The following S100PBP variants were observed in gnomAD, a reference collection of about 807,000 sequenced individuals.
S100PBP encodes S100P-binding protein.
S100PBP carries 15 observed loss-of-function variants against 39.9 expected under a neutral mutation model. The observed-to-expected ratio is 0.38, with a 90% CI of 0.25 to 0.58. The LOEUF is 0.58. Among genes scored for constraint, S100PBP ranks in the 20% least tolerant of loss-of-function variants. S100PBP has a pLI of 0.70. For synonymous variants in S100PBP, 178 were observed against 180.3 expected (o/e 0.99, Z 0.10); for missense variants, 504 against 487.3 (o/e 1.03, Z -0.32).
upstream of S100PBP, chr1:32,817,039 G>A (rs1251679758): frequency 1.3e-5 from 13 of 996,422 alleles, no homozygotes; most frequent in Admixed American, 1.7e-4. Flanking sequence ...TTGACTGACC[G>A]ACCAGCAGTG....
chr1:32,833,808 A>G (rs545115685), intron 5 of S100PBP, among the ~76,000 whole-genome samples: 1 of 152,218 alleles, frequency 6.6e-6, no homozygotes, highest in African/African-American at 2.4e-5. Flanking sequence ...GAATATATAC[A>G]GGGAAATTAC....
intron 4 of S100PBP, among the ~76,000 whole-genome samples, chr1:32,828,614 C>CT (rs35307605): frequency 6.6e-6 from 1 of 151,976 alleles, no homozygotes; most frequent in Non-Finnish European, 1.5e-5. Flanking sequence ...CTAGAAAAAG[C>CT]TTTTTTTAAA....
chr1:32,838,333 C>CAAAAAAAAAA (rs770251816), intron 5 of S100PBP, among the ~76,000 whole-genome samples: 8 of 67,630 alleles, frequency 1.2e-4, no homozygotes, highest in East Asian at 4.1e-4. Flanking sequence ...GACTCTGTCT[C>CAAAAAAAAAA]AAAAAAAAAA....
Position 32,855,858 on chromosome 1 carries a change from T to C in S100PBP, c.1113-66T>C, listed in dbSNP as rs1410686986. On this transcript the variant is annotated intron_variant, in intron 6 of 6. Coordinates refer to ENST00000373475, the MANE Select transcript of S100PBP (RefSeq NM_022753.4). ...TCTTAAAATTGTTGTGCTGGCCTTT[T>C]TTTGTGTACAAATAGCCATTCTAGT... is the stretch of plus-strand genomic sequence containing the variant. 5 of 963,146 alleles carry C rather than the reference T, an allele frequency of 5.2e-6. No homozygotes were observed. In the Admixed American group the frequency reaches 8.9e-5, roughly 17 times the overall value. The allele number at this position is 963,146 out of a possible 1,614,324, so 59.7% of individuals were successfully genotyped here. A position where few individuals can be genotyped will look rare whatever the true frequency, so the allele number is the denominator to read the frequency against.
intron 1 of S100PBP, among the ~76,000 whole-genome samples, chr1:32,822,149 C>T (rs1019918039): frequency 2.0e-5 from 3 of 152,032 alleles, no homozygotes; most frequent in African/African-American, 7.2e-5. Flanking sequence ...TGAAATGATA[C>T]AATGCCTGGG....
At chr1:32,822,705 T>TA (rs1639139083) in intron 1 of S100PBP, among the ~76,000 whole-genome samples, 1 of 151,990 alleles carries the variant, frequency 6.6e-6, no homozygotes, top group Non-Finnish European at 1.5e-5. Context: ...TCCTCCTCTC[T>TA]ATATATACCA....
At chr1:32,818,940 T>TCAGA (rs1638906523) in intron 1 of S100PBP, 1 of 152,214 alleles carries the variant, frequency 6.6e-6, no homozygotes, top group Non-Finnish European at 1.5e-5. Flanking sequence ...GCTGTACCTG[T>TCAGA]CAGACCCTGC....
rs185155843 is a variant in S100PBP at position 32,826,096 on chromosome 1, A to G, written c.-2-2A>G. The G allele has an allele frequency of 2.6e-5, 41 of 1,584,212 alleles. No homozygotes were observed. The African/African-American group carries it at 5.3e-4, about 20-fold the overall frequency. ...CAGTGAAATTGTCTCTTATTTCTCC[A>G]GAAATGATGTGCTCACGGGTGCCCT... On this transcript the variant is annotated splice_acceptor_variant, in intron 2 of 6. Coordinates refer to ENST00000373475, the MANE Select transcript of S100PBP (RefSeq NM_022753.4). LOFTEE classifies it low-confidence loss of function (5UTR_SPLICE).
chr1:32,854,772 TCTC>T (rs1557518479), intron 6 of S100PBP, among the ~76,000 whole-genome samples: 2 of 152,170 alleles, frequency 1.3e-5, no homozygotes, highest in African/African-American at 4.8e-5. Flanking sequence ...ACCGACCTCA[TCTC>T]CTAATACTCT....
At position 32,830,083 on chromosome 1, in the gene S100PBP, G is replaced by C. The variant is rs767599889; in HGVS notation, c.1024+16G>C. On this transcript the variant is annotated intron_variant, in intron 5 of 6. Coordinates refer to ENST00000373475, the MANE Select transcript of S100PBP (RefSeq NM_022753.4). Reference sequence around the variant, plus strand: ...ACTAACCAAGGTAACATGGTACCCAGAGAAAGGCATATAAAACATGTGATG... The same window carrying C: ...ACTAACCAAGGTAACATGGTACCCACAGAAAGGCATATAAAACATGTGATG... 2.0e-5 allele frequency: 29 copies of C among 1,466,488 alleles called. No homozygotes were observed. The highest frequency in any genetic ancestry group is 2.8e-5 in the Non-Finnish European group (29 of 1,047,194). 90.8% of individuals were successfully genotyped at this position (1,466,488 alleles called of 1,614,324 possible).
chr1:32,856,263 G>A lies in S100PBP; in HGVS notation c.*225G>A, dbSNP rs955274260. 1.1e-4 allele frequency: 34 copies of A among 305,500 alleles called. No homozygotes were observed. The highest frequency in any genetic ancestry group is 1.1e-3 in the Admixed American group (22 of 20,326). The allele number at this position is 305,500 out of a possible 1,614,324, so 18.9% of individuals were successfully genotyped here. ...TGTGTGTGTCTGTGTTTAAGCAAGC[G>A]TTCGGTTGGTATAGTTTTTTTTTGT... On this transcript the variant is annotated 3_prime_UTR_variant, in exon 7 of 7. Transcript: ENST00000373475.
intron 5 of S100PBP, among the ~76,000 whole-genome samples, chr1:32,848,085 G>A (rs1221460412): frequency 6.6e-6 from 1 of 152,102 alleles, no homozygotes; most frequent in Non-Finnish European, 1.5e-5. Context: ...AAGGTGGGTG[G>A]ATCATGAAGT....
intron 5 of S100PBP, chr1:32,837,150 T>TC (rs1192558806): frequency 1.6e-5 from 1 of 62,764 alleles, no homozygotes; most frequent in East Asian, 5.3e-4. Context: ...AAAACAAGAC[T>TC]CCATCTCAAA....
intron 4 of S100PBP, 78 bp downstream of exon 4, chr1:32,828,159 T>G: frequency 2.1e-6 from 2 of 947,554 alleles, no homozygotes. Context: ...CAGTTTCCTC[T>G]TAGTGCAGGG....
intron 5 of S100PBP, among the ~76,000 whole-genome samples, chr1:32,839,577 G>C (rs1639994796): frequency 6.6e-6 from 1 of 152,056 alleles, no homozygotes; most frequent in African/African-American, 2.4e-5. Flanking sequence ...ACCCAGGCTG[G>C]AGTGCAGTGG....
At position 32,851,927 on chromosome 1, in the gene S100PBP, C is replaced by T. The variant is rs539268781; in HGVS notation, c.1025-1152C>T. On this transcript the variant is annotated intron_variant, in intron 5 of 6. Coordinates refer to ENST00000373475, the MANE Select transcript of S100PBP (RefSeq NM_022753.4). The stretch of plus-strand genomic sequence containing the variant: ...CCTAACTAGTGTTTTATTTCTGCTT[C>T]TATTGAGTTTTAGCCTAAGTCTCAA... Among the ~76,000 whole-genome samples the T allele has an allele frequency of 1.4e-4, 22 of 152,320 alleles. No homozygotes were observed. The East Asian group carries it at 4.1e-3, about 28-fold the overall frequency.
intron 5 of S100PBP, among the ~76,000 whole-genome samples, chr1:32,844,954 G>C (rs1405004292): frequency 6.6e-6 from 1 of 151,102 alleles, no homozygotes; most frequent in African/African-American, 2.4e-5. Context: ...TCAGCCTCCC[G>C]AGTAGCTGGG....
intron 6 of S100PBP, among the ~76,000 whole-genome samples, chr1:32,855,458 AC>A (rs916260934): frequency 2.0e-5 from 3 of 152,120 alleles, no homozygotes; most frequent in African/African-American, 7.2e-5. Flanking sequence ...ATGATGACTT[AC>A]CTTTCTGGGA....
intron 5 of S100PBP, among the ~76,000 whole-genome samples, chr1:32,839,021 C>T (rs1183652869): frequency 6.6e-6 from 1 of 152,024 alleles, no homozygotes; most frequent in African/African-American, 2.4e-5. Flanking sequence ...GCTCAAACAC[C>T]TAGGCTTAAG....
Sources: gnomAD v4.1 joint callset for allele counts (sites outside exome capture counted in the v4.1 genomes callset) on GRCh38, gnomAD v4.1.1 for gene constraint, MANE v1.5 for transcripts, NCBI Gene and HGNC (gene_info 2026-07-23, HGNC 2026-07-21) for gene names.